Variants in TRIM65 observed in about 807,000 individuals in gnomAD.
TRIM65 encodes tripartite motif containing 65, also known as E3 ubiquitin-protein ligase TRIM65.
TRIM65 carries 46 observed loss-of-function variants against 36.1 expected under a neutral mutation model. The observed-to-expected ratio is 1.27, with a 90% confidence interval of 1.01 to 1.63. The LOEUF is 1.63. Ranked by LOEUF, TRIM65 falls within the 40% of genes most tolerant of loss-of-function variation. The pLI is 0.00. For synonymous variants in TRIM65, 346 were observed against 313.6 expected (o/e 1.10, Z -1.09); for missense variants, 708 against 696.6 (o/e 1.02, Z -0.18).
intron 1 of TRIM65, among the ~76,000 whole-genome samples, chr17:75,893,456 C>T (rs1451123624): frequency 3.3e-5 from 5 of 152,166 alleles, no homozygotes; most frequent in African/African-American, 7.2e-5. Flanking sequence ...GACCCCTATT[C>T]GGTTGCGCTC....
At chr17:75,892,937 G>T (rs1599460988) in intron 1 of TRIM65, 87 bp from the exon 2 acceptor site, 1 of 1,222,572 alleles carries the variant, frequency 8.2e-7, no homozygotes, top group African/African-American at 1.5e-5. Flanking sequence ...CATGCCTGCA[G>T]ACACCAGGCA....
downstream of TRIM65, among the ~76,000 whole-genome samples, chr17:75,885,414 C>T (rs1191235801): frequency 6.6e-6 from 1 of 152,168 alleles, no homozygotes; most frequent in Admixed American, 6.5e-5. Flanking sequence ...GTAGCTGGGA[C>T]CACAGGTGTG....
chr17:75,887,287 C>A (rs1185261203), downstream of TRIM65, among the ~76,000 whole-genome samples: 5 of 151,678 alleles, frequency 3.3e-5, no homozygotes, highest in Non-Finnish European at 5.9e-5. Context: ...AGTTTGAGAC[C>A]AGCCTGGCCA....
intron 5 of TRIM65, 138 bp downstream of exon 5, chr17:75,891,675 G>T: frequency 8.6e-7 from 1 of 1,160,074 alleles, no homozygotes; most frequent in Non-Finnish European, 1.2e-6. Flanking sequence ...CAGATGTCCC[G>T]GCAGGACAGT....
intron 4 of TRIM65, among the ~76,000 whole-genome samples, chr17:75,881,832 A>G (rs2065171250): frequency 1.3e-5 from 2 of 150,630 alleles, no homozygotes; most frequent in African/African-American, 5.0e-5. Flanking sequence ...CCTTCCGGGC[A>G]GAGGGAGTAG....
At chr17:75,885,960 A>G (rs1431071389), downstream of TRIM65, among the ~76,000 whole-genome samples, 1 of 152,072 alleles carries the variant, frequency 6.6e-6, no homozygotes, top group Non-Finnish European at 1.5e-5. Context: ...CCCCACCCAA[A>G]TCTTATCTTG....
In TRIM65 at chr17:75,890,726, T is replaced by G; in HGVS notation, c.*53A>C. On this transcript the variant is annotated 3_prime_UTR_variant, in exon 6 of 6. Coordinates refer to ENST00000269383, the MANE Select transcript of TRIM65 (RefSeq NM_173547.4). ...TCCCCAAGCTGAAGCTGGGCAGCTC[T>G]TGGGCACATAGGCATGGTGGCAGCT... 1 of 1,405,814 alleles carries G rather than the reference T, an allele frequency of 7.1e-7. No individual in the cohort carries two copies. Among genetic ancestry groups the G allele is most frequent in the East Asian group, 2.7e-5 (1 of 37,576 alleles). The allele number at this position is 1,405,814 out of a possible 1,614,324, so 87.1% of individuals were successfully genotyped here. A position where few individuals can be genotyped will look rare whatever the true frequency, so the allele number is the denominator to read the frequency against.
chr17:75,891,909 T>A lies in TRIM65; in HGVS notation c.920-31A>T, dbSNP rs780174787. 6 of 1,598,450 alleles carry A rather than the reference T, an allele frequency of 3.8e-6. No homozygotes were observed. In the South Asian group the frequency reaches 4.5e-5, roughly 12 times the overall value. ...GGGCAAAGCAGTGTTAAGGGAATGG[T>A]TGGAGAGGTCACGATGTGTGGGCCC... is the stretch of plus-strand genomic sequence containing the variant. On this transcript the variant is annotated intron_variant, in intron 4 of 5. Transcript: ENST00000269383.
At chr17:75,896,276 C>T (rs2065344963) in intron 1 of TRIM65, among the ~76,000 whole-genome samples, 1 of 152,178 alleles carries the variant, frequency 6.6e-6, no homozygotes, top group Non-Finnish European at 1.5e-5. Flanking sequence ...AGGATGGTCT[C>T]GATCTCCTGA....
At chr17:75,891,762 T>G in intron 5 of TRIM65, 51 bp downstream of exon 5, 1 of 1,568,444 alleles carries the variant, frequency 6.4e-7, no homozygotes, top group Non-Finnish European at 8.7e-7. Flanking sequence ...ACACAGGCAC[T>G]TCCTTGCACA....
downstream of TRIM65, among the ~76,000 whole-genome samples, chr17:75,887,646 CAA>C (rs35086337): frequency 4.6e-4 from 42 of 90,638 alleles, no homozygotes; most frequent in African/African-American, 5.5e-4. Flanking sequence ...GACTCCGTCT[CAA>C]AAAAAAAAAA....
At chr17:75,887,528 T>A (rs1032856672), downstream of TRIM65, among the ~76,000 whole-genome samples, 1 of 151,048 alleles carries the variant, frequency 6.6e-6, no homozygotes, top group African/African-American at 2.4e-5. Flanking sequence ...GTGCCTGTAG[T>A]CCTAGCTACT....
downstream of TRIM65, among the ~76,000 whole-genome samples, chr17:75,884,184 G>A (rs370679238): frequency 8.5e-5 from 13 of 152,110 alleles, no homozygotes; most frequent in Non-Finnish European, 1.6e-4. Flanking sequence ...TAGGTCAGGC[G>A]CGGTGGCTCG....
In TRIM65 at chr17:75,891,208, A is replaced by C. The variant is rs1347647096; in HGVS notation, c.1125T>G (p.Cys375Trp). The stretch of plus-strand genomic sequence containing the variant: ...GGTGCCCGGCCTGGAAGCTCTGGGC[A>C]CATTGCACCTGCCAGAGCTCAAAGC... Reference protein sequence around the residue: ...PGSFELWQVQCAQSFQAGHHY... With the variant: ...PGSFELWQVQWAQSFQAGHHY... The change falls in exon 6 of 6, where the codon TGT becomes TGG. Residue 375 changes from cysteine (C) to tryptophan (W), a missense_variant. Coordinates refer to ENST00000269383, the MANE Select transcript of TRIM65 (RefSeq NM_173547.4). The C allele has an allele frequency of 1.9e-6, 3 of 1,612,328 alleles. No homozygotes were observed. The highest frequency in any genetic ancestry group is 2.5e-6 in the Non-Finnish European group (3 of 1,179,978).
intron 1 of TRIM65, among the ~76,000 whole-genome samples, chr17:75,896,011 C>G (rs1051158790): frequency 6.6e-6 from 1 of 152,234 alleles, no homozygotes; most frequent in Non-Finnish European, 1.5e-5. Context: ...CCCTGTGTCA[C>G]TGGCCGGGCT....
At chr17:75,891,791 C>T (rs756448209) in intron 5 of TRIM65, 22 bp downstream of exon 5, 17 of 1,601,222 alleles carry the variant, frequency 1.1e-5, no homozygotes, top group African/African-American at 1.3e-5. Flanking sequence ...CAGGGGCACA[C>T]ATACACGAAC....
At chr17:75,883,502 T>C (rs1195642207) in intron 4 of TRIM65, among the ~76,000 whole-genome samples, 1 of 151,488 alleles carries the variant, frequency 6.6e-6, no homozygotes, top group Non-Finnish European at 1.5e-5. Flanking sequence ...TTCATTGTCT[T>C]TTTTTCTCAC....
In TRIM65 at chr17:75,896,688, C is replaced by G. The variant is rs1162345812; in HGVS notation, c.250G>C (p.Asp84His). Residue 84 changes from aspartate to histidine, a missense_variant, in exon 1 of 6, where the codon GAT becomes CAT. By Grantham distance (81) the Asp-to-His change is moderately conservative (BLOSUM62 -1). Coordinates refer to ENST00000269383, the MANE Select transcript of TRIM65 (RefSeq NM_173547.4). ...RAGPARDPGPDPGPGPDPAAR... is the reference protein window; with the variant it reads ...RAGPARDPGPHPGPGPDPAAR... ...GCAGGGTCGGGGCCGGGGCCGGGAT[C>G]GGGGCCGGGATCCCGGGCGGGCCCG... is the stretch of plus-strand genomic sequence containing the variant. 3 of 1,299,864 alleles carry G rather than the reference C, an allele frequency of 2.3e-6. No homozygotes were observed. In the Admixed American group the frequency reaches 1.2e-4, roughly 54 times the overall value. The allele number at this position is 1,299,864 out of a possible 1,614,324, so 80.5% of individuals were successfully genotyped here.
At chr17:75,885,909 T>C (rs993052298), downstream of TRIM65, among the ~76,000 whole-genome samples, 1 of 152,186 alleles carries the variant, frequency 6.6e-6, no homozygotes, top group Non-Finnish European at 1.5e-5. Context: ...CACATCCCCT[T>C]GTTCTCTTTA....
Sources: gnomAD v4.1 joint callset for allele counts (sites outside exome capture counted in the v4.1 genomes callset) on GRCh38, gnomAD v4.1.1 for gene constraint, MANE v1.5 for transcripts, NCBI Gene and HGNC (gene_info 2026-07-23, HGNC 2026-07-21) for gene names.